The following NF1 variants were observed in gnomAD, a reference collection of about 807,000 sequenced individuals.
The protein encoded by NF1 is neurofibromin.
In NF1, 122 loss-of-function variants were observed where a neutral mutation model predicts 325.7. The observed-to-expected ratio is 0.37, with a 90% confidence interval of 0.32 to 0.44. NF1 has a LOEUF of 0.44. Ranked by LOEUF, NF1 falls within the 20% of genes least tolerant of loss-of-function variation. The pLI, the probability that NF1 is intolerant of heterozygous loss-of-function variation, is 1.00. For synonymous variants in NF1, 1,091 were observed against 1,186.0 expected, an observed-to-expected ratio of 0.92 and a Z score of 1.65; for missense variants, 2,140 against 3,415.4, an observed-to-expected ratio of 0.63 and a Z score of 9.31.
intron 1 of NF1, among the ~76,000 whole-genome samples, chr17:31,129,981 A>G (rs1031084967): frequency 3.9e-5 from 6 of 152,068 alleles, no homozygotes; most frequent in African/African-American, 1.4e-4. Flanking sequence ...TTTAGAGGAA[A>G]GAAGATGCTC....
intron 1 of NF1, among the ~76,000 whole-genome samples, chr17:31,151,031 T>C (rs1337650194): frequency 2.2e-5 from 2 of 92,686 alleles, no homozygotes; most frequent in African/African-American, 5.8e-5. Context: ...CAAGGCTCTG[T>C]CTCAAAAAAA....
chr17:31,280,115 C>T, intron 36 of NF1, among the ~76,000 whole-genome samples: 1 of 152,124 alleles, frequency 6.6e-6, no homozygotes, highest in African/African-American at 2.4e-5. Context: ...TTGGTAGCTT[C>T]AGCAGTTGTC....
At chr17:31,362,815 T>C (rs1457542860) in intron 57 of NF1, among the ~76,000 whole-genome samples, 1 of 152,232 alleles carries the variant, frequency 6.6e-6, no homozygotes, top group African/African-American at 2.4e-5. Context: ...TGCCCACTAA[T>C]GGAGACAATA....
intron 56 of NF1, chr17:31,360,082 T>G (rs2070364499): frequency 4.6e-6 from 1 of 216,988 alleles, no homozygotes; most frequent in African/African-American, 2.3e-5. Context: ...CATACAGAAG[T>G]TTTTGCATTT....
intron 57 of NF1, among the ~76,000 whole-genome samples, chr17:31,372,820 A>T (rs1382863542): frequency 1.3e-5 from 2 of 152,182 alleles, no homozygotes; most frequent in African/African-American, 4.8e-5. Flanking sequence ...GTTCAAGACC[A>T]GCCTTGGCAA....
rs149773137 is a variant in NF1, at chr17:31,340,774, T to C, written c.7062+129T>C. ...GTAGGAATTTGTATAATGTAACTTATTGTGAGTATATTTCCTTACCAGCTC... is the reference window on the plus strand; with the variant it reads ...GTAGGAATTTGTATAATGTAACTTACTGTGAGTATATTTCCTTACCAGCTC... On this transcript the variant is annotated intron_variant, in intron 47 of 57. Coordinates refer to ENST00000358273, the MANE Select transcript of NF1 (RefSeq NM_001042492.3). 123 of 965,022 alleles carry C rather than the reference T, an allele frequency of 1.3e-4. 2 individuals are homozygous for C. The East Asian group carries it at 2.1e-3, about 16-fold the overall frequency. 59.8% of individuals were successfully genotyped at this position (965,022 alleles called of 1,614,324 possible).
At chr17:31,249,290 T>C (rs187281604) in intron 30 of NF1, among the ~76,000 whole-genome samples, 171 bp downstream of exon 30, 2 of 152,366 alleles carry the variant, frequency 1.3e-5, no homozygotes, top group Non-Finnish European at 1.5e-5. Context: ...AAAACTTAAA[T>C]ATTACTTAGG....
intron 36 of NF1, among the ~76,000 whole-genome samples, chr17:31,267,456 T>G (rs1475774740): frequency 6.6e-6 from 1 of 152,172 alleles, no homozygotes; most frequent in Non-Finnish European, 1.5e-5. Flanking sequence ...GTTTCTTACT[T>G]AGACCTACTG....
intron 23 of NF1, 84 bp downstream of exon 23, chr17:31,230,466 T>C (rs1404963312): frequency 2.0e-6 from 3 of 1,526,210 alleles, no homozygotes; most frequent in East Asian, 4.5e-5. Context: ...TATGCGGTTA[T>C]TGGTAGAAAG....
chr17:31,109,610 G>A (rs956068479), intron 1 of NF1, among the ~76,000 whole-genome samples: 5 of 151,882 alleles, frequency 3.3e-5, no homozygotes, highest in Non-Finnish European at 5.9e-5. Context: ...TCTCGAGCTC[G>A]TAACCTCAGG....
At chr17:31,295,494 C>G in intron 36 of NF1, 1 of 1,614,166 alleles carries the variant, frequency 6.2e-7, no homozygotes, top group Non-Finnish European at 8.5e-7. Context: ...ATCCCACTTA[C>G]AGTGAATAAG....
rs71142019 is a variant in NF1, at chr17:31,121,395, C to CTTTTTTTTT, written c.60+26041_60+26049dup. Among the ~76,000 whole-genome samples, 137 of 92,510 alleles carry CTTTTTTTTT rather than the reference C, an allele frequency of 1.5e-3. 4 individuals carry two copies. Among genetic ancestry groups the CTTTTTTTTT allele is most frequent in the African/African-American group, 5.6e-3 (126 of 22,406 alleles). The allele number at this position is 92,510 out of a possible 152,430, so 60.7% of individuals were successfully genotyped here. The stretch of plus-strand genomic sequence containing the variant: ...TCCCTTCTATGTGCAAATCACTATT[C>CTTTTTTTTT]TTTTTTTTTTTTTTTTTTTTTTTGA... On this transcript the variant is annotated intron_variant, in intron 1 of 57. Transcript: ENST00000358273.
At position 31,235,963 on chromosome 17, in the gene NF1, C is replaced by A. The variant is rs376576925; in HGVS notation, c.3916C>A (p.Arg1306=). 2.5e-5 allele frequency: 41 copies of A among 1,613,780 alleles called. No homozygotes were observed. Among genetic ancestry groups the A allele is most frequent in the Non-Finnish European group, 3.3e-5 (39 of 1,179,958 alleles). The change falls in exon 29 of 58, where the codon CGA becomes AGA. Residue 1306 remains arginine, a synonymous_variant. Coordinates refer to ENST00000358273, the MANE Select transcript of NF1 (RefSeq NM_001042492.3). The stretch of plus-strand genomic sequence containing the variant: ...ACAAAAACTCCTGGATCCTTTATTA[C>A]GAATTGTGATCACATCCTCTGATTG... ...YLQKLLDPLL[R]IVITSSDWQH...
intron 1 of NF1, among the ~76,000 whole-genome samples, chr17:31,111,218 A>G (rs1340544672): frequency 6.6e-6 from 1 of 152,050 alleles, no homozygotes; most frequent in East Asian, 1.9e-4. Flanking sequence ...AAGCACAGAA[A>G]AAAAAAAAAG....
At chr17:31,117,705 G>GAAAAAAAAAAAAAAA (rs1302841931) in intron 1 of NF1, among the ~76,000 whole-genome samples, 2 of 59,198 alleles carry the variant, frequency 3.4e-5, no homozygotes, top group Non-Finnish European at 9.8e-5. Flanking sequence ...AAAAAAAAAG[G>GAAAAAAAAAAAAAAA]AATAGTGATT....
Position 31,320,405 on chromosome 17 carries a change from G to C in NF1, c.4836-5415G>C, listed in dbSNP as rs757464021. ...GTATAGGTAGGGCCTGAAAGTCTTT[G>C]TTTCCAAACCAACTCCTAAGCAACA... On this transcript the variant is annotated intron_variant, in intron 36 of 57. Transcript: ENST00000358273. 8.1e-6 allele frequency: 13 copies of C among 1,606,220 alleles called. No homozygotes were observed. In the South Asian group the frequency reaches 1.2e-4, roughly 15 times the overall value.
chr17:31,207,038 G>A (rs921940409), intron 12 of NF1, among the ~76,000 whole-genome samples: 2 of 151,980 alleles, frequency 1.3e-5, no homozygotes, highest in Admixed American at 1.3e-4. Context: ...CATTTTTTTG[G>A]TGTTTATGTA....
chr17:31,260,407 A>T lies in NF1; in HGVS notation c.4469A>T (p.Asp1490Val), dbSNP rs2067663471. 1 of 1,614,024 alleles carries T rather than the reference A, an allele frequency of 6.2e-7. No homozygotes were observed. The highest frequency in any genetic ancestry group is 8.5e-7 in the Non-Finnish European group (1 of 1,179,956). The change falls in exon 34 of 58, where the codon GAT becomes GTT. Residue 1490 changes from aspartate (D) to valine (V), a missense_variant. Coordinates refer to ENST00000358273, the MANE Select transcript of NF1 (RefSeq NM_001042492.3). The stretch of plus-strand genomic sequence containing the variant: ...ATAGCATCTGATTGTCCTACAAGTG[A>T]TGCAGTAAATCATAGTCTTTCCTTC... Reference protein sequence around the residue: ...LDIASDCPTSDAVNHSLSFIS... With the variant: ...LDIASDCPTSVAVNHSLSFIS...
intron 1 of NF1, among the ~76,000 whole-genome samples, chr17:31,145,917 T>C (rs1413026329): frequency 2.0e-5 from 3 of 152,170 alleles, no homozygotes; most frequent in Non-Finnish European, 4.4e-5. Flanking sequence ...TTGAAGTGCC[T>C]ACAAGTTATC....
Sources: gnomAD v4.1 joint callset for allele counts (sites outside exome capture counted in the v4.1 genomes callset) on GRCh38, gnomAD v4.1.1 for gene constraint, MANE v1.5 for transcripts, NCBI Gene and HGNC (gene_info 2026-07-23, HGNC 2026-07-21) for gene names.